Variants in SLC38A7 observed in about 807,000 individuals in gnomAD.
The protein encoded by SLC38A7 is solute carrier family 38 member 7.
Under a neutral mutation model 50.1 loss-of-function variants are expected in SLC38A7, and 29 were observed. The ratio of observed to expected loss-of-function variants is 0.58; its 90% CI spans 0.43 to 0.79. The LOEUF is 0.79. Among genes scored for constraint, SLC38A7 ranks in the 30% least tolerant of loss-of-function variants. The pLI, the probability that SLC38A7 is intolerant of heterozygous loss-of-function variation, is 0.00. For missense variants in SLC38A7, 483 were observed against 610.6 expected, an observed-to-expected ratio of 0.79 and a Z score of 2.20; for synonymous variants, 244 against 245.9, an observed-to-expected ratio of 0.99 and a Z score of 0.07.
chr16:58,675,283 A>T, intron 8 of SLC38A7: 1 of 415,436 alleles, frequency 2.4e-6, no homozygotes, highest in Non-Finnish European at 4.7e-6. Context: ...GAGGCAGGAG[A>T]ATTGCTTGAG....
Position 58,672,086 on chromosome 16 carries a change from G to A in SLC38A7, c.1031+10C>T. The A allele has an allele frequency of 1.9e-6, 3 of 1,551,926 alleles. No individual in the cohort carries two copies. The highest frequency in any genetic ancestry group is 2.6e-6 in the Non-Finnish European group (3 of 1,147,684). The stretch of plus-strand genomic sequence containing the variant: ...CTAGGAGGGGCCCTGGGGAGTGGAA[G>A]GGGGCTCACCGCCCACAGAAGTGCA... On this transcript the variant is annotated intron_variant, in intron 9 of 11. Transcript: ENST00000219320.
At chr16:58,681,041 T>C (rs1003628157) in intron 2 of SLC38A7, among the ~76,000 whole-genome samples, 1 of 152,202 alleles carries the variant, frequency 6.6e-6, no homozygotes, top group Non-Finnish European at 1.5e-5. Context: ...AGCATCTCAC[T>C]GGCCACTAGG....
Position 58,679,961 on chromosome 16 carries a change from C to A in SLC38A7, c.166G>T (p.Ala56Ser). ...CACGCGTTGACGACGATGAAGATGG[C>A]CCCAAGTGTGGAAGTGGTGCCTCTG... ...LDRGTTSTLG[A>S]IFIVVNACLG... The change falls in exon 3 of 12, where the codon GCC becomes TCC. Residue 56 changes from alanine to serine, a missense_variant. Physicochemically the swap from Ala to Ser is moderately conservative, Grantham distance 99. Transcript: ENST00000219320. The A allele has an allele frequency of 1.9e-6, 3 of 1,611,712 alleles. No homozygotes were observed. The highest frequency in any genetic ancestry group is 2.5e-6 in the Non-Finnish European group (3 of 1,178,624).
At chr16:58,674,105 G>A (rs555581472) in intron 8 of SLC38A7, among the ~76,000 whole-genome samples, 5 of 151,020 alleles carry the variant, frequency 3.3e-5, no homozygotes, top group East Asian at 3.9e-4. Flanking sequence ...GATTACAGGC[G>A]TGAGCCACCA....
At chr16:58,674,130 C>T (rs916336909) in intron 8 of SLC38A7, among the ~76,000 whole-genome samples, 2 of 152,032 alleles carry the variant, frequency 1.3e-5, no homozygotes, top group African/African-American at 4.8e-5. Context: ...TGGCGGACGC[C>T]CAGCTAATTC....
At chr16:58,669,779 G>A (rs1367259222) in intron 11 of SLC38A7, among the ~76,000 whole-genome samples, 4 of 151,660 alleles carry the variant, frequency 2.6e-5, no homozygotes, top group South Asian at 2.1e-4. Flanking sequence ...GTTCGAGACC[G>A]GCCTGGCCAA....
intron 6 of SLC38A7, among the ~76,000 whole-genome samples, chr16:58,676,901 G>A (rs1435348064): frequency 3.3e-5 from 5 of 151,888 alleles, no homozygotes; most frequent in Middle Eastern, 3.2e-3. Context: ...TGATCCGCCC[G>A]CCTCGGCCTC....
At chr16:58,675,346 G>GAAAA (rs58028000) in intron 8 of SLC38A7, 167 of 328,060 alleles carry the variant, frequency 5.1e-4, no homozygotes, top group Middle Eastern at 1.1e-3. Flanking sequence ...GTCTCTGCTA[G>GAAAA]AAAAAAAAAA....
In SLC38A7 at chr16:58,666,373, T is replaced by C. The variant is rs2044035105; in HGVS notation, c.*1012A>G. 4 of 33,026 alleles carry C rather than the reference T, an allele frequency of 1.2e-4. No homozygotes were observed. Among genetic ancestry groups the C allele is most frequent in the African/African-American group, 4.4e-4 (2 of 4,596 alleles). The allele number at this position is 33,026 out of a possible 1,614,324, so 2.0% of individuals were successfully genotyped here. A position where few individuals can be genotyped will look rare whatever the true frequency, so the allele number is the denominator to read the frequency against. ...TGAGCCACTGCGCCCAGCCCTGCCT[T>C]TTTTTTTTTTTTTTTTTTTTGTCTC... On this transcript the variant is annotated 3_prime_UTR_variant, in exon 12 of 12. Transcript: ENST00000219320.
Position 58,679,943 on chromosome 16 carries a change from TGAC to T in SLC38A7, c.181_183del (p.Val61del). ...AGTAACCCTGCACCCAGGCACGCGT[TGAC>T]GACGATGAAGATGGCCCCAAGTGTG... On this transcript the variant is annotated inframe_deletion, in exon 3 of 12. Coordinates refer to ENST00000219320, the MANE Select transcript of SLC38A7 (RefSeq NM_018231.3). The T allele has an allele frequency of 6.2e-7, 1 of 1,611,890 alleles. No homozygotes were observed. The highest frequency in any genetic ancestry group is 8.5e-7 in the Non-Finnish European group (1 of 1,178,562).
intron 7 of SLC38A7, 61 bp from the exon 8 acceptor site, chr16:58,676,115 A>C (rs1370861706): frequency 1.3e-6 from 2 of 1,580,498 alleles, no homozygotes; most frequent in Non-Finnish European, 1.7e-6. Context: ...TTTCCAGAGG[A>C]AGGTACCTTG....
At chr16:58,672,883 T>C (rs1335086619) in intron 8 of SLC38A7, among the ~76,000 whole-genome samples, 1 of 151,900 alleles carries the variant, frequency 6.6e-6, no homozygotes, top group Admixed American at 6.6e-5. Context: ...CAAGTAATCC[T>C]CCTACCTCAC....
At chr16:58,679,463 G>C (rs971225059) in intron 3 of SLC38A7, 1 of 464,638 alleles carries the variant, frequency 2.2e-6, no homozygotes, top group Non-Finnish European at 3.8e-6. Context: ...AATGATCAAT[G>C]CATGGCCAAC....
intron 10 of SLC38A7, among the ~76,000 whole-genome samples, chr16:58,670,809 C>A (rs2044144437): frequency 6.6e-6 from 1 of 152,216 alleles, no homozygotes; most frequent in African/African-American, 2.4e-5. Flanking sequence ...AAGCTCTAGG[C>A]AAGTCTGTGA....
At position 58,677,254 on chromosome 16, in the gene SLC38A7, T is replaced by C. The variant is rs961123826; in HGVS notation, c.710+72A>G. 3.8e-6 allele frequency: 5 copies of C among 1,330,034 alleles called. No homozygotes were observed. In the African/African-American group the frequency reaches 4.3e-5, roughly 12 times the overall value. 82.4% of individuals were successfully genotyped at this position (1,330,034 alleles called of 1,614,324 possible). A position where few individuals can be genotyped will look rare whatever the true frequency, so the allele number is the denominator to read the frequency against. On this transcript the variant is annotated intron_variant, in intron 6 of 11. Transcript: ENST00000219320. Reference sequence around the variant, plus strand: ...GAAGAGCACCTGTGTGGCCTTCTGGTTCCTGACCCAGCACCTGCTGGGGCC... The same window carrying C: ...GAAGAGCACCTGTGTGGCCTTCTGGCTCCTGACCCAGCACCTGCTGGGGCC...
intron 6 of SLC38A7, among the ~76,000 whole-genome samples, chr16:58,676,812 C>T (rs554806330): frequency 1.3e-3 from 199 of 152,104 alleles, no homozygotes; most frequent in South Asian, 7.1e-3. Flanking sequence ...CCACCACACC[C>T]GGCTAATTTT....
chr16:58,671,828 CA>C (rs1371621503), intron 9 of SLC38A7: 3 of 320,732 alleles, frequency 9.4e-6, no homozygotes, highest in African/African-American at 6.4e-5. Flanking sequence ...CTCAGCCTCC[CA>C]AAGTGCTGGG....
intron 8 of SLC38A7, among the ~76,000 whole-genome samples, chr16:58,672,514 G>A (rs1288550230): frequency 1.3e-5 from 2 of 152,164 alleles, no homozygotes; most frequent in Non-Finnish European, 1.5e-5. Flanking sequence ...TGACTGTTCT[G>A]TCTGGCAGAC....
At chr16:58,671,279 G>T (rs1221416737) in intron 9 of SLC38A7, 35 bp from the exon 10 acceptor site, 1 of 1,594,750 alleles carries the variant, frequency 6.3e-7, no homozygotes. Context: ...AGGTGCCCCT[G>T]CTGCTAGCAG....
Sources: allele counts gnomAD v4.1 joint callset (sites outside exome capture counted in the v4.1 genomes callset), GRCh38; gene constraint gnomAD v4.1.1; transcripts MANE v1.5; gene names NCBI Gene and HGNC (gene_info 2026-07-23, HGNC 2026-07-21).